Variants in RPS24 observed in about 807,000 individuals in gnomAD.
The protein encoded by RPS24 is small ribosomal subunit protein eS24.
For synonymous variants in RPS24, 72 were observed against 55.6 expected, an observed-to-expected ratio of 1.30 and a Z score of -1.31; for missense variants, 100 against 162.5, an observed-to-expected ratio of 0.62 and a Z score of 2.09.
At chr10:78,054,836 T>A in exon 5 of RPS24, 11 of 1,551,554 alleles carry the variant, frequency 7.1e-6, no homozygotes, top group Non-Finnish European at 9.6e-6. Flanking sequence ...CTGCTGGTTC[T>A]CCCCACCCTG....
At chr10:78,046,961 T>C (rs913733585) in intron 4 of RPS24, among the ~76,000 whole-genome samples, 16 of 151,306 alleles carry the variant, frequency 1.1e-4, no homozygotes, top group South Asian at 2.1e-4. Flanking sequence ...AATCAGAAGC[T>C]GTGGGTGGGG....
intron 4 of RPS24, among the ~76,000 whole-genome samples, chr10:78,048,593 C>T (rs968743003): frequency 2.0e-5 from 3 of 152,078 alleles, no homozygotes; most frequent in Non-Finnish European, 4.4e-5. Context: ...TAGAAATTGC[C>T]CAACCCAGCC....
chr10:78,039,849 A>T, intron 4 of RPS24: 1 of 362,782 alleles, frequency 2.8e-6, no homozygotes, highest in South Asian at 2.5e-5. Context: ...TGTCCAGCAC[A>T]ATGTTGCTGG....
downstream of RPS24, among the ~76,000 whole-genome samples, chr10:78,043,347 G>A (rs566966874): frequency 6.6e-6 from 1 of 152,168 alleles, no homozygotes; most frequent in Non-Finnish European, 1.5e-5. Flanking sequence ...CTGGACCCAC[G>A]CTGGAAAGGG....
intron 4 of RPS24, among the ~76,000 whole-genome samples, chr10:78,046,241 T>A (rs1848041862): frequency 6.6e-6 from 1 of 152,062 alleles, no homozygotes; most frequent in Non-Finnish European, 1.5e-5. Flanking sequence ...AGCTGGCAGA[T>A]GAACAGTAAT....
At chr10:78,042,376 T>C (rs1029653252), downstream of RPS24, among the ~76,000 whole-genome samples, 5 of 152,352 alleles carry the variant, frequency 3.3e-5, 1 homozygote, top group Admixed American at 2.6e-4. Flanking sequence ...ATTTGTCTTT[T>C]AAATTGGGCT....
chr10:78,036,773 A>C (rs1042807224), intron 3 of RPS24, among the ~76,000 whole-genome samples: 1 of 152,180 alleles, frequency 6.6e-6, no homozygotes, highest in African/African-American at 2.4e-5. Context: ...AGTGGAGATG[A>C]GTAGATCCGG....
downstream of RPS24, among the ~76,000 whole-genome samples, chr10:78,041,947 C>CT: frequency 6.6e-6 from 1 of 152,348 alleles, no homozygotes; most frequent in East Asian, 1.9e-4. Context: ...AAGTTGTAGT[C>CT]TTTCAGCCAG....
At chr10:78,051,599 C>T (rs537154247) in intron 4 of RPS24, among the ~76,000 whole-genome samples, 8 of 152,180 alleles carry the variant, frequency 5.3e-5, no homozygotes, top group African/African-American at 7.2e-5. Flanking sequence ...GTATATACCT[C>T]GGGGTGGAAT....
Position 78,037,214 on chromosome 10 carries a change from A to G in RPS24, c.300A>G (p.Lys100=), listed in dbSNP as rs771767710. The G allele has an allele frequency of 6.2e-7, 1 of 1,605,596 alleles. No homozygotes were observed. Among genetic ancestry groups the G allele is most frequent in the East Asian group, 2.2e-5 (1 of 44,750 alleles). Residue 100 remains lysine (K), a synonymous_variant, in exon 4 of 6, where the codon AAA becomes AAG. Coordinates refer to ENST00000372360, the MANE Select transcript of RPS24 (RefSeq NM_033022.4). ...RLARHGLYEK[K]KTSRKQRKER... Reference sequence around the variant, plus strand: ...TTCAGCATGGCCTGTATGAGAAGAAAAAGACCTCAAGAAAGCAACGAAAGG... The same window carrying G: ...TTCAGCATGGCCTGTATGAGAAGAAGAAGACCTCAAGAAAGCAACGAAAGG...
At chr10:78,045,022 C>T (rs542372000), downstream of RPS24, among the ~76,000 whole-genome samples, 66 of 152,138 alleles carry the variant, frequency 4.3e-4, 1 homozygote, top group African/African-American at 1.5e-3. Flanking sequence ...GAGTTTCACT[C>T]TTGTTGCCCC....
In RPS24 at chr10:78,035,554, C is replaced by T; in HGVS notation, c.113C>T (p.Thr38Ile). 6.2e-7 allele frequency: 1 copy of T among 1,614,118 alleles called. No homozygotes were observed. Among genetic ancestry groups the T allele is most frequent in the Non-Finnish European group, 8.5e-7 (1 of 1,180,018 alleles). ...LHPGKATVPK[T>I]EIREKLAKMY... ...CCCGGGAAGGCGACAGTGCCTAAGACAGAAATTCGGGAAAAACTAGCCAAA... is the reference window on the plus strand; with the variant it reads ...CCCGGGAAGGCGACAGTGCCTAAGATAGAAATTCGGGAAAAACTAGCCAAA... The change falls in exon 3 of 6, where the codon ACA becomes ATA. Residue 38 changes from threonine to isoleucine, a missense_variant. By Grantham distance (89) the Thr-to-Ile change is moderately conservative (BLOSUM62 -1). Coordinates refer to ENST00000372360, the MANE Select transcript of RPS24 (RefSeq NM_033022.4).
At chr10:78,055,071 T>G (rs566667298) in exon 5 of RPS24, 1 of 1,451,214 alleles carries the variant, frequency 6.9e-7, no homozygotes, top group East Asian at 2.5e-5. Context: ...CACCTTCTTC[T>G]CCACTCAGCA....
downstream of RPS24, among the ~76,000 whole-genome samples, chr10:78,041,907 G>C (rs145525800): frequency 1.2e-3 from 189 of 152,350 alleles, 1 homozygote; most frequent in African/African-American, 4.2e-3. Flanking sequence ...GAAGTGGGGA[G>C]GCTTTTCTGT....
intron 1 of RPS24, among the ~76,000 whole-genome samples, 183 bp from the exon 2 acceptor site, chr10:78,035,169 T>C (rs984872040): frequency 2.0e-5 from 3 of 152,350 alleles, no homozygotes; most frequent in East Asian, 1.9e-4. Context: ...GTTTTCCTGG[T>C]ATTTTATGTA....
chr10:78,041,010 GT>G (rs370235875), downstream of RPS24, among the ~76,000 whole-genome samples: 438 of 149,146 alleles, frequency 2.9e-3, no homozygotes, highest in African/African-American at 9.9e-3. Flanking sequence ...ACAGTGAGGT[GT>G]TTTTTTTTTC....
intron 1 of RPS24, 188 bp downstream of exon 1, chr10:78,034,092 G>T (rs1847802388): frequency 1.8e-5 from 11 of 611,820 alleles, no homozygotes; most frequent in South Asian, 1.7e-4. Flanking sequence ...CTGCGCTGTA[G>T]ACCCGGACAC....
rs57003851 is a variant in RPS24 at position 78,046,346 on chromosome 10, C to CTTT, written c.391-8168_391-8166dup. Among the ~76,000 whole-genome samples the CTTT allele has an allele frequency of 1.9e-3, 244 of 126,128 alleles. 9 individuals carry two copies. The highest frequency in any genetic ancestry group is 7.0e-3 in the African/African-American group (205 of 29,388). The allele number at this position is 126,128 out of a possible 152,430, so 82.7% of individuals were successfully genotyped here. ...GTCTTGCACAAATTATCTCATTTAC[C>CTTT]TTTTTTTTTTTTTTTTTTTGAGAAT... On this transcript the variant is annotated intron_variant, in intron 4 of 4. Coordinates refer to the RPS24 transcript ENST00000440692.
At chr10:78,055,497 G>C (rs1401225209) in exon 5 of RPS24, 1 of 153,152 alleles carries the variant, frequency 6.5e-6, no homozygotes, top group Non-Finnish European at 1.5e-5. Flanking sequence ...AATGACGGCT[G>C]TGTGGGGAGT....
Sources: allele counts gnomAD v4.1 joint callset (sites outside exome capture counted in the v4.1 genomes callset), GRCh38; gene constraint gnomAD v4.1.1; transcripts MANE v1.5; gene names NCBI Gene and HGNC (gene_info 2026-07-23, HGNC 2026-07-21).